Variants in LCOR observed in about 807,000 individuals in gnomAD.
The protein encoded by LCOR is ligand-dependent corepressor.
Under a neutral mutation model 64.4 loss-of-function variants are expected in LCOR, and 14 were observed. The ratio of observed to expected loss-of-function variants is 0.22; its 90% confidence interval spans 0.14 to 0.34. The LOEUF (loss-of-function observed/expected upper bound fraction) is 0.34. LCOR is among the 10% of genes least tolerant of loss of function. The pLI is 1.00. For synonymous variants in LCOR, 643 were observed against 642.5 expected, an observed-to-expected ratio of 1.00 and a Z score of -0.01; for missense variants, 1,686 against 1,765.3, an observed-to-expected ratio of 0.96 and a Z score of 0.80.
intron 2 of LCOR, among the ~76,000 whole-genome samples, chr10:96,896,918 C>T (rs1233593181): frequency 6.6e-6 from 1 of 152,078 alleles, no homozygotes; most frequent in African/African-American, 2.4e-5. Flanking sequence ...ACCTTTCCAA[C>T]CCTAAGAACT....
intron 2 of LCOR, among the ~76,000 whole-genome samples, chr10:96,856,219 C>T (rs890049966): frequency 1.3e-5 from 2 of 152,046 alleles, no homozygotes; most frequent in African/African-American, 2.4e-5. Flanking sequence ...TACAGGCATG[C>T]GCCACCACGC....
At chr10:96,943,614 T>C (rs1432088371) in intron 4 of LCOR, among the ~76,000 whole-genome samples, 1 of 152,220 alleles carries the variant, frequency 6.6e-6, no homozygotes, top group Non-Finnish European at 1.5e-5. Flanking sequence ...TTCAGATGTA[T>C]TCTGAGTTTT....
intron 2 of LCOR, among the ~76,000 whole-genome samples, chr10:96,842,477 CAT>C (rs1475293106): frequency 6.6e-6 from 1 of 152,062 alleles, no homozygotes; most frequent in African/African-American, 2.4e-5. Flanking sequence ...GAAAATTCCA[CAT>C]GTGAAAATGT....
rs1031517251 is a variant in LCOR at position 96,985,760 on chromosome 10, C to T, written c.*626C>T. ...AGATCATGTTCATTGTTGGTCCCTC[C>T]TCTCACCTTTGATGTTTTGTCATTT... On this transcript the variant is annotated 3_prime_UTR_variant, in exon 8 of 8. Transcript: ENST00000421806. 2 of 166,962 alleles carry T rather than the reference C, an allele frequency of 1.2e-5. No homozygotes were observed. Among genetic ancestry groups the T allele is most frequent in the Admixed American group, 1.3e-4 (2 of 15,288 alleles). 10.3% of individuals were successfully genotyped at this position (166,962 alleles called of 1,614,324 possible).
At chr10:96,835,280 T>G (rs559848340) in intron 2 of LCOR, among the ~76,000 whole-genome samples, 1 of 152,352 alleles carries the variant, frequency 6.6e-6, no homozygotes, top group South Asian at 2.1e-4. Flanking sequence ...TTTGATTCAT[T>G]TTTTGAAGGC....
intron 7 of LCOR, among the ~76,000 whole-genome samples, chr10:96,974,984 CAG>C (rs1158593572): frequency 1.3e-5 from 2 of 152,180 alleles, no homozygotes; most frequent in African/African-American, 4.8e-5. Context: ...GCCTGGCCAA[CAG>C]GGTGTAAAAC....
At chr10:96,956,682 G>C in intron 7 of LCOR, 1 of 985,872 alleles carries the variant, frequency 1.0e-6, no homozygotes, top group Non-Finnish European at 1.2e-6. Flanking sequence ...TCTAAGGGTA[G>C]AATTTGGTCT....
At chr10:96,935,692 G>C (rs931533074) in intron 4 of LCOR, among the ~76,000 whole-genome samples, 27 of 152,260 alleles carry the variant, frequency 1.8e-4, no homozygotes, top group African/African-American at 6.3e-4. Flanking sequence ...AAATTAGCCT[G>C]GTGTGGTGGC....
chr10:96,920,607 CATATATGTGT>C (rs1337502229), intron 4 of LCOR, among the ~76,000 whole-genome samples: 1 of 125,680 alleles, frequency 8.0e-6, no homozygotes, highest in Non-Finnish European at 1.7e-5. Context: ...TATGTATATT[CATATATGTGT>C]ATATATGTAT....
At chr10:96,832,452 G>A in intron 1 of LCOR, 53 bp downstream of exon 1, 1 of 734,572 alleles carries the variant, frequency 1.4e-6, no homozygotes, top group Non-Finnish European at 1.7e-6. Flanking sequence ...GCCGCCGGTC[G>A]CCCCAGACCA....
chr10:96,954,874 A>G, intron 7 of LCOR: 2 of 1,081,264 alleles, frequency 1.8e-6, no homozygotes, highest in East Asian at 2.4e-5. Flanking sequence ...AAGGCCTTCT[A>G]ATAAAGGAGT....
intron 4 of LCOR, among the ~76,000 whole-genome samples, chr10:96,942,408 G>C (rs1847506355): frequency 6.6e-6 from 1 of 152,192 alleles, no homozygotes; most frequent in Non-Finnish European, 1.5e-5. Flanking sequence ...GTCCAGCTTT[G>C]GCTCGGCATC....
intron 4 of LCOR, among the ~76,000 whole-genome samples, chr10:96,942,914 A>G (rs144082507): frequency 1.3e-5 from 2 of 152,354 alleles, no homozygotes; most frequent in Non-Finnish European, 2.9e-5. Context: ...ACACTTAAAT[A>G]TGCATTTAGC....
chr10:96,901,909 A>G (rs1271989639), intron 2 of LCOR, among the ~76,000 whole-genome samples: 2 of 152,092 alleles, frequency 1.3e-5, no homozygotes, highest in African/African-American at 4.8e-5. Flanking sequence ...AGTTGGGACT[A>G]CAGGTGTGTG....
chr10:96,861,939 C>T (rs931329445), intron 2 of LCOR, among the ~76,000 whole-genome samples: 2 of 152,192 alleles, frequency 1.3e-5, no homozygotes, highest in Non-Finnish European at 1.5e-5. Context: ...CTTCAGACAG[C>T]AATCTTAAGT....
At chr10:96,953,323 G>A (rs1449535700) in intron 7 of LCOR, among the ~76,000 whole-genome samples, 1 of 151,976 alleles carries the variant, frequency 6.6e-6, no homozygotes, top group Admixed American at 6.6e-5. Context: ...CGGCTGAAGC[G>A]GGCAGATCAC....
intron 7 of LCOR, chr10:96,962,939 T>A (rs1253306441): frequency 6.6e-6 from 1 of 152,230 alleles, no homozygotes. Flanking sequence ...GTTTACACAC[T>A]CTTCTCACTC....
At chr10:96,837,226 G>A (rs1445469003) in intron 2 of LCOR, among the ~76,000 whole-genome samples, 2 of 152,060 alleles carry the variant, frequency 1.3e-5, no homozygotes, top group African/African-American at 2.4e-5. Flanking sequence ...TGCTGACCTC[G>A]TGATCTGCCC....
chr10:96,873,483 A>G (rs1466776080), intron 2 of LCOR, among the ~76,000 whole-genome samples: 1 of 151,686 alleles, frequency 6.6e-6, no homozygotes, highest in Admixed American at 6.6e-5. Flanking sequence ...CTTTAATCCT[A>G]ATTCCTGTGG....
Sources: gnomAD v4.1 joint callset for allele counts (sites outside exome capture counted in the v4.1 genomes callset) on GRCh38, gnomAD v4.1.1 for gene constraint, MANE v1.5 for transcripts, NCBI Gene and HGNC (gene_info 2026-07-23, HGNC 2026-07-21) for gene names.